Variants in PCLO observed in about 807,000 individuals in gnomAD.
The protein encoded by PCLO is piccolo presynaptic cytomatrix protein.
In PCLO, 82 loss-of-function variants were observed where a neutral mutation model predicts 427.5. That is an observed-to-expected ratio of 0.19 (90% CI 0.16 to 0.23). The LOEUF (loss-of-function observed/expected upper bound fraction) is 0.23. Among genes scored for constraint, PCLO ranks in the 10% least tolerant of loss-of-function variants. PCLO has a pLI of 1.00. For synonymous variants in PCLO, 2,357 were observed against 2,155.4 expected (o/e 1.09, Z -2.59); for missense variants, 6,239 against 6,115.9 (o/e 1.02, Z -0.67).
rs568384487 is a variant in PCLO, at chr7:83,011,669, A to C, written c.3301-45182T>G. 1.1e-4 allele frequency among the ~76,000 whole-genome samples: 16 copies of C among 152,080 alleles called. 1 individual carries two copies. The South Asian group carries it at 3.3e-3, about 31-fold the overall frequency. On this transcript the variant is annotated intron_variant, in intron 3 of 24. Transcript: ENST00000333891. Reference sequence around the variant, plus strand: ...ATCCAAATTTGGCTTCAAACCACTGACTCACTTCTCTTAAACTTGACTTCC... The same window carrying C: ...ATCCAAATTTGGCTTCAAACCACTGCCTCACTTCTCTTAAACTTGACTTCC...
intron 22 of PCLO, among the ~76,000 whole-genome samples, chr7:82,771,107 A>G (rs570779580): frequency 6.6e-6 from 1 of 152,042 alleles, no homozygotes; most frequent in African/African-American, 2.4e-5. Flanking sequence ...AGATTTTATT[A>G]TAAAATAAAA....
Position 82,952,751 on chromosome 7 carries a change from T to C in PCLO, c.8202A>G (p.Pro2734=). 6.2e-7 allele frequency: 1 copy of C among 1,613,554 alleles called. No individual in the cohort carries two copies. The highest frequency in any genetic ancestry group is 8.5e-7 in the Non-Finnish European group (1 of 1,179,620). Residue 2734 remains proline (P), a synonymous_variant, in exon 5 of 25, where the codon CCA becomes CCG. Transcript: ENST00000333891. ...VGDVIDLRTV[P]KVEVKTTDKC... ...TATCAGTTGTTTTAACTTCTACCTTTGGTACTGTACGCAAATCAATTACAT... is the reference window on the plus strand; with the variant it reads ...TATCAGTTGTTTTAACTTCTACCTTCGGTACTGTACGCAAATCAATTACAT...
chr7:82,915,878 T>C lies in PCLO; in HGVS notation c.12108A>G (p.Ala4036=). 6 of 1,613,632 alleles carry C rather than the reference T, an allele frequency of 3.7e-6. No homozygotes were observed. The highest frequency in any genetic ancestry group is 5.1e-6 in the Non-Finnish European group (6 of 1,179,792). The change falls in exon 7 of 25, where the codon GCA becomes GCG. Residue 4036 remains alanine (A), a synonymous_variant. Transcript: ENST00000333891. ...TTCGTGGAGTATGGTGATCAATATC[T>C]GCATAGAAAGAATCTGCAGATATGC... is the stretch of plus-strand genomic sequence containing the variant. ...ISSISADSFY[A]DIDHHTPRNY...
intron 22 of PCLO, among the ~76,000 whole-genome samples, chr7:82,793,594 G>A (rs1224446483): frequency 1.3e-5 from 2 of 152,056 alleles, no homozygotes; most frequent in Non-Finnish European, 2.9e-5. Flanking sequence ...TGGGCTACTA[G>A]AAATGTCTGT....
intron 3 of PCLO, among the ~76,000 whole-genome samples, chr7:83,043,605 T>C (rs1389383044): frequency 6.6e-6 from 1 of 152,162 alleles, no homozygotes; most frequent in African/African-American, 2.4e-5. Flanking sequence ...AACAGAGAAC[T>C]CAAGTGGCGT....
Position 82,898,728 on chromosome 7 carries a change from A to G in PCLO, c.13528+3923T>C, listed in dbSNP as rs554600789. Among the ~76,000 whole-genome samples the G allele has an allele frequency of 1.8e-3, 275 of 151,524 alleles. 2 individuals carry two copies. Among genetic ancestry groups the G allele is most frequent in the African/African-American group, 6.2e-3 (256 of 41,504 alleles). On this transcript the variant is annotated intron_variant, in intron 9 of 24. Transcript: ENST00000333891. Reference sequence around the variant, plus strand: ...TTTTGGATACTGCTGTTTTACTGTGAACATGAAAAAGAAACAGCAATTGTA... The same window carrying G: ...TTTTGGATACTGCTGTTTTACTGTGGACATGAAAAAGAAACAGCAATTGTA...
chr7:82,780,146 C>T (rs73706704), intron 22 of PCLO, among the ~76,000 whole-genome samples: 3,306 of 152,218 alleles, frequency 0.022, 123 homozygotes, highest in African/African-American at 0.072. Flanking sequence ...ATTCACAAAC[C>T]GGTTTATGTG....
chr7:82,862,171 G>A (rs548228830), intron 10 of PCLO, among the ~76,000 whole-genome samples: 226 of 151,878 alleles, frequency 1.5e-3, no homozygotes, highest in Non-Finnish European at 2.9e-3. Flanking sequence ...ACCAAAAATT[G>A]GTTTTTTGAA....
intron 24 of PCLO, among the ~76,000 whole-genome samples, chr7:82,759,125 A>G (rs1281700966): frequency 6.6e-6 from 1 of 151,966 alleles, no homozygotes; most frequent in Non-Finnish European, 1.5e-5. Flanking sequence ...AAATAAATAT[A>G]ACTTCACAGA....
Position 83,093,492 on chromosome 7 carries a change from A to ATTTTTTTT in PCLO, c.3300+40750_3300+40757dup, listed in dbSNP as rs1169852004. Among the ~76,000 whole-genome samples the ATTTTTTTT allele has an allele frequency of 2.0e-4, 12 of 59,320 alleles. 1 individual carries two copies. The highest frequency in any genetic ancestry group is 2.9e-4 in the Admixed American group (1 of 3,460). 38.9% of individuals were successfully genotyped at this position (59,320 alleles called of 152,430 possible). A position where few individuals can be genotyped will look rare whatever the true frequency, so the allele number is the denominator to read the frequency against. On this transcript the variant is annotated intron_variant, in intron 3 of 24. Coordinates refer to ENST00000333891, the MANE Select transcript of PCLO (RefSeq NM_033026.6). The stretch of plus-strand genomic sequence containing the variant: ...TGTGTGTATAGATATATATATATAT[A>ATTTTTTTT]TTTTTTTTTTTTTTTTTTGAGATGG...
intron 3 of PCLO, among the ~76,000 whole-genome samples, chr7:83,070,855 T>G (rs1789797702): frequency 6.6e-6 from 1 of 152,170 alleles, no homozygotes; most frequent in African/African-American, 2.4e-5. Context: ...AGCTCCAGCT[T>G]TCTGTCTACT....
chr7:82,922,256 T>C (rs76508375), intron 6 of PCLO, among the ~76,000 whole-genome samples: 2,188 of 151,968 alleles, frequency 0.014, 57 homozygotes, highest in African/African-American at 0.05. Flanking sequence ...CAAAGGAATA[T>C]ATATCGATCT....
rs886268922 is a variant in PCLO at position 82,821,135 on chromosome 7, T to C, written c.14791+1360A>G. On this transcript the variant is annotated intron_variant, in intron 20 of 24. Coordinates refer to ENST00000333891, the MANE Select transcript of PCLO (RefSeq NM_033026.6). ...ACCTCCTTCTGGCTTGACTGGTCCA[T>C]CAGACATCACCTTCCTGAGGGCTAG... 2.4e-5 allele frequency: 25 copies of C among 1,024,138 alleles called. No homozygotes were observed. The African/African-American group carries it at 4.2e-4, about 17-fold the overall frequency. 63.4% of individuals were successfully genotyped at this position (1,024,138 alleles called of 1,614,324 possible).
At position 82,992,759 on chromosome 7, in the gene PCLO, GA is replaced by G. The variant is rs1159639882; in HGVS notation, c.3301-26273del. Reference sequence around the variant, plus strand: ...ATGTATCCCAGAAGTTAAAGTAAAAGAAAAAAAAATGATGCCTTACTTTTTG... The same window carrying G: ...ATGTATCCCAGAAGTTAAAGTAAAAGAAAAAAAATGATGCCTTACTTTTTG... On this transcript the variant is annotated intron_variant, in intron 3 of 24. Coordinates refer to ENST00000333891, the MANE Select transcript of PCLO (RefSeq NM_033026.6). 2.7e-5 allele frequency among the ~76,000 whole-genome samples: 4 copies of G among 149,696 alleles called. No homozygotes were observed. The South Asian group carries it at 6.3e-4, about 24-fold the overall frequency.
At chr7:82,990,313 G>A (rs1318673788) in intron 3 of PCLO, among the ~76,000 whole-genome samples, 1 of 152,054 alleles carries the variant, frequency 6.6e-6, no homozygotes, top group Non-Finnish European at 1.5e-5. Context: ...ACAGGAAAAT[G>A]GATGGCTTAC....
chr7:83,104,162 G>C (rs1421723361), intron 3 of PCLO, among the ~76,000 whole-genome samples: 1 of 130,820 alleles, frequency 7.6e-6, no homozygotes, highest in Non-Finnish European at 1.6e-5. Context: ...TTTTAAGAGA[G>C]TGTTTTAGAA....
chr7:82,908,857 T>A lies in PCLO; in HGVS notation c.13437+20A>T. On this transcript the variant is annotated intron_variant, in intron 8 of 24. Transcript: ENST00000333891. ...TCTTTTTTGATAAATCTAAAAGAAA[T>A]TGCTAAATATAGCACTTACTTGCTC... is the stretch of plus-strand genomic sequence containing the variant. 1.2e-6 allele frequency: 2 copies of A among 1,600,458 alleles called. No individual in the cohort carries two copies. Among genetic ancestry groups the A allele is most frequent in the South Asian group, 2.2e-5 (2 of 89,800 alleles).
intron 9 of PCLO, among the ~76,000 whole-genome samples, chr7:82,891,602 C>T (rs1259708712): frequency 2.0e-5 from 3 of 152,104 alleles, no homozygotes; most frequent in Non-Finnish European, 4.4e-5. Flanking sequence ...GAGGGCATCC[C>T]TGTCTTCTGC....
chr7:82,961,127 T>G (rs1795647618), intron 4 of PCLO, among the ~76,000 whole-genome samples: 1 of 152,132 alleles, frequency 6.6e-6, no homozygotes, highest in Non-Finnish European at 1.5e-5. Context: ...AAGAGGTAAA[T>G]TAAGAGTATT....
Sources: allele counts gnomAD v4.1 joint callset (sites outside exome capture counted in the v4.1 genomes callset), GRCh38; gene constraint gnomAD v4.1.1; transcripts MANE v1.5; gene names NCBI Gene and HGNC (gene_info 2026-07-23, HGNC 2026-07-21).